TRABD2B: variants seen among roughly 807,000 people sequenced by gnomAD.
TRABD2B encodes the protein TraB domain containing 2B.
In TRABD2B, 14 loss-of-function variants were observed where a neutral mutation model predicts 40.1. That is an observed-to-expected ratio of 0.35 (90% confidence interval 0.23 to 0.55). The LOEUF (loss-of-function observed/expected upper bound fraction) is 0.55. Ranked by LOEUF, TRABD2B falls within the 20% of genes least tolerant of loss-of-function variation. TRABD2B has a pLI of 0.90. For missense variants in TRABD2B, 541 were observed against 648.6 expected (o/e 0.83, Z 1.80); for synonymous variants, 263 against 277.0 (o/e 0.95, Z 0.50).
chr1:47,957,846 T>A (rs1198031142), intron 2 of TRABD2B, among the ~76,000 whole-genome samples: 1 of 152,072 alleles, frequency 6.6e-6, no homozygotes, highest in Admixed American at 6.6e-5. Flanking sequence ...TCAAATTCAG[T>A]AAATACAGAG....
At chr1:47,815,673 G>A (rs149638175) in intron 2 of TRABD2B, among the ~76,000 whole-genome samples, 1,678 of 152,250 alleles carry the variant, frequency 0.011, 15 homozygotes, top group Non-Finnish European at 0.017. Context: ...TCCTGCAACC[G>A]GGAAGCACAG....
At chr1:47,840,608 G>A (rs965985607) in intron 2 of TRABD2B, among the ~76,000 whole-genome samples, 2 of 152,136 alleles carry the variant, frequency 1.3e-5, no homozygotes, top group African/African-American at 4.8e-5. Flanking sequence ...TGGCTATCGA[G>A]GCTGCTTCAT....
At position 47,846,596 on chromosome 1, in the gene TRABD2B, T is replaced by C. The variant is rs1018050680; in HGVS notation, c.667-44977A>G. Among the ~76,000 whole-genome samples the C allele has an allele frequency of 3.3e-5, 5 of 152,032 alleles. No homozygotes were observed. In the East Asian group the frequency reaches 5.8e-4, roughly 18 times the overall value. On this transcript the variant is annotated intron_variant, in intron 2 of 6. Coordinates refer to ENST00000606738, the MANE Select transcript of TRABD2B (RefSeq NM_001194986.2). ...CAGTGAGAGTGAGGTACATGAAACA[T>C]AGAGGCCAGGTCTCAGGGAAGGCAA...
chr1:47,897,502 G>A (rs889054226), intron 2 of TRABD2B, among the ~76,000 whole-genome samples: 5 of 152,174 alleles, frequency 3.3e-5, no homozygotes, highest in Non-Finnish European at 7.3e-5. Flanking sequence ...GGACCCTGGA[G>A]GGCAGCTGCA....
chr1:47,840,034 C>T (rs1324002673), intron 2 of TRABD2B, among the ~76,000 whole-genome samples: 2 of 152,142 alleles, frequency 1.3e-5, no homozygotes, highest in Admixed American at 6.5e-5. Context: ...TTTACCTCCT[C>T]GGATTCTGTT....
Position 47,994,189 on chromosome 1 carries a change from T to C in TRABD2B, c.511A>G (p.Asn171Asp). ...CGCACGTCCCTCTCTGTGAGCGAGT[T>C]TACCATGAGCATCACCCAGACGGGC... ...KRPVWVMLMV[N>D]SLTERDVRFR... The change falls in exon 2 of 7, where the codon AAC becomes GAC. Residue 171 changes from asparagine to aspartate, a missense_variant. Transcript: ENST00000606738. The surrounding 1 kb of genome is among the most constrained non-coding windows in gnomAD (Gnocchi z 6.7). 2 of 1,542,304 alleles carry C rather than the reference T, an allele frequency of 1.3e-6. No homozygotes were observed. Among genetic ancestry groups the C allele is most frequent in the Non-Finnish European group, 1.7e-6 (2 of 1,149,750 alleles).
At chr1:47,874,561 C>A (rs1173166519) in intron 2 of TRABD2B, among the ~76,000 whole-genome samples, 1 of 128,610 alleles carries the variant, frequency 7.8e-6, no homozygotes, top group Non-Finnish European at 1.6e-5. Flanking sequence ...CGTGAGCCAC[C>A]GCGCCCGGCC....
chr1:47,793,075 C>T (rs1644697925), intron 4 of TRABD2B, among the ~76,000 whole-genome samples: 1 of 152,058 alleles, frequency 6.6e-6, no homozygotes, highest in African/African-American at 2.4e-5. Flanking sequence ...GAGTGGCTTA[C>T]CCTCTCCATG....
intron 6 of TRABD2B, among the ~76,000 whole-genome samples, chr1:47,771,583 A>C (rs1644378161): frequency 6.6e-6 from 1 of 152,204 alleles, no homozygotes; most frequent in African/African-American, 2.4e-5. Flanking sequence ...TCAAGGCCCT[A>C]ACTGCACAAA....
At chr1:47,866,904 G>A (rs948102705) in intron 2 of TRABD2B, among the ~76,000 whole-genome samples, 1 of 152,194 alleles carries the variant, frequency 6.6e-6, no homozygotes, top group African/African-American at 2.4e-5. Context: ...CAAAGGCCCA[G>A]ATTTGATTGC....
chr1:47,983,269 G>C (rs953987357), intron 2 of TRABD2B, among the ~76,000 whole-genome samples: 2 of 152,160 alleles, frequency 1.3e-5, no homozygotes, highest in Admixed American at 1.3e-4. Flanking sequence ...TTCCAAGTGG[G>C]AGCTAAATGA....
chr1:47,788,116 T>C (rs892331683), intron 4 of TRABD2B, among the ~76,000 whole-genome samples: 1 of 152,150 alleles, frequency 6.6e-6, no homozygotes, highest in Non-Finnish European at 1.5e-5. Flanking sequence ...AATGGAATAA[T>C]AAATACCATC....
chr1:47,870,158 C>T (rs1177921983), intron 2 of TRABD2B, among the ~76,000 whole-genome samples: 23 of 152,182 alleles, frequency 1.5e-4, no homozygotes, highest in Admixed American at 1.4e-3. Context: ...TCCCATCCCA[C>T]CTGTAACTGC....
chr1:47,988,138 G>A (rs1336645578), intron 2 of TRABD2B, among the ~76,000 whole-genome samples: 1 of 152,134 alleles, frequency 6.6e-6, no homozygotes, highest in Non-Finnish European at 1.5e-5. Flanking sequence ...AGGGCTGGAG[G>A]ACTCAAGGAT....
intron 3 of TRABD2B, among the ~76,000 whole-genome samples, chr1:47,801,196 C>T (rs1644818569): frequency 6.6e-6 from 1 of 152,164 alleles, no homozygotes; most frequent in South Asian, 2.1e-4. Context: ...TCTGAGGCCT[C>T]CCTGGTCTTA....
chr1:47,834,644 C>T (rs889236589), intron 2 of TRABD2B, among the ~76,000 whole-genome samples: 6 of 152,030 alleles, frequency 3.9e-5, no homozygotes, highest in African/African-American at 1.2e-4. Context: ...TGGTTCCAGA[C>T]GTTTAAGTAA....
chr1:47,995,761 T>C (rs1646081395), intron 1 of TRABD2B, among the ~76,000 whole-genome samples: 1 of 152,140 alleles, frequency 6.6e-6, no homozygotes, highest in Non-Finnish European at 1.5e-5. Context: ...CTTACTTTAC[T>C]AACAACCCCA....
chr1:47,854,007 C>T (rs1401243313), intron 2 of TRABD2B, among the ~76,000 whole-genome samples: 1 of 152,192 alleles, frequency 6.6e-6, no homozygotes, highest in African/African-American at 2.4e-5. Context: ...TTACTGTTTC[C>T]TTCTCCCACT....
At chr1:47,794,051 C>A (rs1425061043) in intron 4 of TRABD2B, among the ~76,000 whole-genome samples, 1 of 152,208 alleles carries the variant, frequency 6.6e-6, no homozygotes, top group African/African-American at 2.4e-5. Context: ...CTAATCTTTA[C>A]AACTATTCTA....
Sources: gnomAD v4.1 joint callset for allele counts (sites outside exome capture counted in the v4.1 genomes callset) on GRCh38, gnomAD v4.1.1 for gene constraint, Gnocchi (gnomAD v3.1) non-coding constraint, MANE v1.5 for transcripts, NCBI Gene and HGNC (gene_info 2026-07-23, HGNC 2026-07-21) for gene names.